Variants in DCC observed in about 807,000 individuals in gnomAD.
DCC encodes DCC netrin 1 receptor.
Under a neutral mutation model 172.5 loss-of-function variants are expected in DCC, and 58 were observed. That is an observed-to-expected ratio of 0.34 (90% CI 0.27 to 0.42). The LOEUF (loss-of-function observed/expected upper bound fraction) is 0.42. DCC is among the 10% of genes least tolerant of loss of function. DCC has a pLI of 1.00. For missense variants in DCC, 1,740 were observed against 1,791.0 expected (o/e 0.97, Z 0.51); for synonymous variants, 709 against 644.5 (o/e 1.10, Z -1.52).
intron 5 of DCC, among the ~76,000 whole-genome samples, chr18:53,028,513 C>A (rs6508187): frequency 0.12 from 18,668 of 152,118 alleles, 1,523 homozygotes; most frequent in East Asian, 0.37. Context: ...TATAGTTATA[C>A]CATTATCAGC....
chr18:52,492,110 G>C (rs917909072), intron 1 of DCC, among the ~76,000 whole-genome samples: 2 of 151,940 alleles, frequency 1.3e-5, no homozygotes, highest in African/African-American at 4.8e-5. Context: ...ACAAATGAGA[G>C]GGTGGTGAAA....
intron 2 of DCC, among the ~76,000 whole-genome samples, chr18:52,852,822 G>A (rs1271559572): frequency 6.6e-6 from 1 of 152,062 alleles, no homozygotes; most frequent in African/African-American, 2.4e-5. Context: ...TGAAAAATCA[G>A]CATTTATTAA....
chr18:53,416,064 G>GACCAACAGT, intron 20 of DCC, 60 bp from the exon 21 acceptor site: 1 of 1,277,672 alleles, frequency 7.8e-7, no homozygotes, highest in South Asian at 1.2e-5. Flanking sequence ...GGTTTGATAT[G>GACCAACAGT]TCAGCTTTCT....
chr18:53,057,226 G>T (rs759799468), intron 5 of DCC, among the ~76,000 whole-genome samples: 1 of 151,414 alleles, frequency 6.6e-6, no homozygotes, highest in African/African-American at 2.4e-5. Flanking sequence ...AATCACAGAA[G>T]AAATTTCATT....
chr18:53,083,250 T>G (rs1016066919), intron 7 of DCC, among the ~76,000 whole-genome samples: 3 of 152,138 alleles, frequency 2.0e-5, no homozygotes, highest in African/African-American at 7.2e-5. Flanking sequence ...GAGATATACA[T>G]AGAAGATTCT....
At chr18:53,197,801 G>C (rs2144528767) in intron 9 of DCC, among the ~76,000 whole-genome samples, 1 of 152,068 alleles carries the variant, frequency 6.6e-6, no homozygotes, top group East Asian at 1.9e-4. Context: ...ATTTCTTACA[G>C]TAAAGGGAAG....
intron 1 of DCC, among the ~76,000 whole-genome samples, chr18:52,692,630 C>T (rs557437979): frequency 6.6e-6 from 1 of 152,162 alleles, no homozygotes; most frequent in South Asian, 2.1e-4. Context: ...GAGGGTTTCA[C>T]TATATTGACC....
At chr18:52,938,286 A>G (rs1002258602) in intron 5 of DCC, among the ~76,000 whole-genome samples, 3 of 152,146 alleles carry the variant, frequency 2.0e-5, no homozygotes, top group African/African-American at 7.2e-5. Flanking sequence ...ATTAAGCAAG[A>G]CAGTGAGATT....
At chr18:53,060,966 A>G (rs560717258) in intron 5 of DCC, among the ~76,000 whole-genome samples, 1 of 152,316 alleles carries the variant, frequency 6.6e-6, no homozygotes, top group East Asian at 1.9e-4. Context: ...GGCTACATAC[A>G]TACACATAAA....
intron 27 of DCC, among the ~76,000 whole-genome samples, chr18:53,502,777 A>G (rs2046119606): frequency 1.3e-5 from 2 of 152,182 alleles, no homozygotes; most frequent in South Asian, 2.1e-4. Flanking sequence ...CTACTTTGAA[A>G]GCTTTGAGAT....
intron 1 of DCC, among the ~76,000 whole-genome samples, chr18:52,455,616 G>C (rs1988433163): frequency 6.6e-6 from 1 of 152,102 alleles, no homozygotes; most frequent in South Asian, 2.1e-4. Flanking sequence ...ACCTTTACAG[G>C]GGCAATTCAG....
At chr18:52,817,689 A>G (rs534355511) in intron 2 of DCC, among the ~76,000 whole-genome samples, 1 of 152,284 alleles carries the variant, frequency 6.6e-6, no homozygotes, top group East Asian at 1.9e-4. Context: ...ATGTACACGC[A>G]TGCATACATA....
At chr18:52,605,904 G>A (rs879390236) in intron 1 of DCC, among the ~76,000 whole-genome samples, 1 of 152,038 alleles carries the variant, frequency 6.6e-6, no homozygotes, top group East Asian at 1.9e-4. Context: ...GTTGAGGTTA[G>A]GTGAGTAATT....
intron 5 of DCC, among the ~76,000 whole-genome samples, chr18:53,050,204 C>T (rs1012379565): frequency 6.6e-6 from 1 of 152,074 alleles, no homozygotes; most frequent in Non-Finnish European, 1.5e-5. Flanking sequence ...GGTGCCCACC[C>T]CCATTGTGGA....
intron 9 of DCC, among the ~76,000 whole-genome samples, chr18:53,188,268 A>G (rs1042346626): frequency 2.6e-5 from 4 of 152,230 alleles, no homozygotes; most frequent in Non-Finnish European, 4.4e-5. Flanking sequence ...GCCTATGTCT[A>G]GATTCCTAAG....
chr18:53,203,202 TG>T (rs398120477), intron 9 of DCC, among the ~76,000 whole-genome samples: 1,270 of 90,066 alleles, frequency 0.014, 11 homozygotes, highest in Non-Finnish European at 0.017. Context: ...TAGATTCTCT[TG>T]TGTGTGTGTG....
intron 2 of DCC, among the ~76,000 whole-genome samples, chr18:52,775,791 G>A (rs911759969): frequency 1.3e-5 from 2 of 152,212 alleles, no homozygotes. Context: ...GGCTTTTACA[G>A]GCCCAGGATG....
intron 1 of DCC, among the ~76,000 whole-genome samples, chr18:52,557,244 A>T (rs1038778925): frequency 6.6e-6 from 1 of 152,220 alleles, no homozygotes; most frequent in Non-Finnish European, 1.5e-5. Flanking sequence ...AGAGGTTTTT[A>T]GTTACAAAAG....
At chr18:52,635,862 T>C (rs1057463981) in intron 1 of DCC, among the ~76,000 whole-genome samples, 1 of 152,160 alleles carries the variant, frequency 6.6e-6, no homozygotes, top group African/African-American at 2.4e-5. Flanking sequence ...AGGACTAGAA[T>C]GCACCTCTAG....
Sources: gnomAD v4.1 joint callset for allele counts (sites outside exome capture counted in the v4.1 genomes callset) on GRCh38, gnomAD v4.1.1 for gene constraint, MANE v1.5 for transcripts, NCBI Gene and HGNC (gene_info 2026-07-23, HGNC 2026-07-21) for gene names.